Variants in CDH20 observed in about 807,000 individuals in gnomAD.
CDH20 encodes cadherin-20.
Under a neutral mutation model 74.2 loss-of-function variants are expected in CDH20, and 29 were observed. The observed-to-expected ratio is 0.39, with a 90% CI of 0.29 to 0.53. The LOEUF is 0.53. Ranked by LOEUF, CDH20 falls within the 20% of genes least tolerant of loss-of-function variation. The probability of loss-of-function intolerance (pLI) is 0.69; values close to 1 mark genes in which losing one functional copy is unlikely to be tolerated. For missense variants in CDH20, 988 were observed against 1,048.3 expected, an observed-to-expected ratio of 0.94 and a Z score of 0.79; for synonymous variants, 469 against 405.4, an observed-to-expected ratio of 1.16 and a Z score of -1.88.
chr18:61,543,178 C>A (rs552151061), intron 9 of CDH20, among the ~76,000 whole-genome samples: 209 of 152,326 alleles, frequency 1.4e-3, no homozygotes, highest in African/African-American at 4.7e-3. Context: ...CCACCACCCC[C>A]AGTTATTTAA....
Position 61,354,142 on chromosome 18 carries a change from T to C in CDH20, c.-153+20315T>C, listed in dbSNP as rs577255908. Among the ~76,000 whole-genome samples the C allele has an allele frequency of 3.9e-5, 6 of 152,302 alleles. No individual in the cohort carries two copies. In the East Asian group the frequency reaches 1.2e-3, roughly 29 times the overall value. ...AGGGCACAGCAGCCATTCAGGGCTG[T>C]TAACTCCCACACTGGATGACACTGA... is the stretch of plus-strand genomic sequence containing the variant. On this transcript the variant is annotated intron_variant, in intron 1 of 11. Coordinates refer to ENST00000262717, the MANE Select transcript of CDH20 (RefSeq NM_031891.4).
At chr18:61,464,482 A>G (rs987623971) in intron 1 of CDH20, among the ~76,000 whole-genome samples, 6 of 152,084 alleles carry the variant, frequency 3.9e-5, no homozygotes, top group African/African-American at 1.4e-4. Flanking sequence ...AAGCTAAAAA[A>G]CTTCACATGT....
chr18:61,543,313 G>A (rs1021689694), intron 9 of CDH20, among the ~76,000 whole-genome samples: 8 of 152,184 alleles, frequency 5.3e-5, no homozygotes, highest in Non-Finnish European at 1.0e-4. Flanking sequence ...GGTGGTAGAA[G>A]CACAGCTGGC....
chr18:61,480,832 C>T (rs569882809), intron 1 of CDH20, among the ~76,000 whole-genome samples: 4 of 152,296 alleles, frequency 2.6e-5, no homozygotes, highest in South Asian at 2.1e-4. Context: ...AGACTTCTGA[C>T]ACATAAGGAT....
chr18:61,472,993 C>G (rs1387420705), intron 1 of CDH20, among the ~76,000 whole-genome samples: 1 of 152,166 alleles, frequency 6.6e-6, no homozygotes. Flanking sequence ...ATTGCAGGAG[C>G]AAAAGATTTT....
Position 61,374,846 on chromosome 18 carries a change from A to C in CDH20, c.-153+41019A>C, listed in dbSNP as rs538003859. 7.9e-4 allele frequency among the ~76,000 whole-genome samples: 120 copies of C among 152,214 alleles called. 2 individuals are homozygous for C. In the South Asian group the frequency reaches 0.024, roughly 31 times the overall value. On this transcript the variant is annotated intron_variant, in intron 1 of 11. Coordinates refer to ENST00000262717, the MANE Select transcript of CDH20 (RefSeq NM_031891.4). The stretch of plus-strand genomic sequence containing the variant: ...TGTAAAGGGTGTTTCTTTCCTGGCT[A>C]TCTACCCTGGGCACAACCTCTTATT...
intron 9 of CDH20, 41 bp downstream of exon 9, chr18:61,539,186 A>G (rs1466510079): frequency 6.3e-7 from 1 of 1,597,228 alleles, no homozygotes; most frequent in South Asian, 1.1e-5. Flanking sequence ...TTAACCCCTA[A>G]CTTCTGGAAA....
At chr18:61,380,146 AGGGG>A (rs1250280963) in intron 1 of CDH20, among the ~76,000 whole-genome samples, 1 of 152,160 alleles carries the variant, frequency 6.6e-6, no homozygotes, top group African/African-American at 2.4e-5. Flanking sequence ...AACCCCCTGA[AGGGG>A]GCTTCAGGGG....
chr18:61,412,274 T>C (rs545880358), intron 1 of CDH20, among the ~76,000 whole-genome samples: 4 of 152,298 alleles, frequency 2.6e-5, no homozygotes, highest in East Asian at 1.9e-4. Context: ...TTTTAAAAAG[T>C]ATTATGGCAA....
chr18:61,523,206 C>A (rs912535042), intron 6 of CDH20, among the ~76,000 whole-genome samples: 1 of 84,564 alleles, frequency 1.2e-5, no homozygotes, highest in Non-Finnish European at 2.5e-5. Context: ...GGAACTTAAA[C>A]AAATTTACAA....
At chr18:61,435,735 TA>T (rs1208622496) in intron 1 of CDH20, among the ~76,000 whole-genome samples, 10 of 150,108 alleles carry the variant, frequency 6.7e-5, no homozygotes, top group Admixed American at 3.3e-4. Flanking sequence ...AACATAAATA[TA>T]AAAAATATAT....
chr18:61,538,622 TTTG>T (rs375054282), intron 8 of CDH20, among the ~76,000 whole-genome samples: 2,672 of 92,704 alleles, frequency 0.029, 458 homozygotes, highest in African/African-American at 0.094. Flanking sequence ...TTGTTTTTGT[TTTG>T]TTTTTTTTTT....
In CDH20 at chr18:61,492,362, C is replaced by T. The variant is rs117751120; in HGVS notation, c.246+1563C>T. Among the ~76,000 whole-genome samples the T allele has an allele frequency of 5.4e-3, 828 of 152,252 alleles. 2 individuals carry two copies. The highest frequency in any genetic ancestry group is 9.5e-3 in the Non-Finnish European group (644 of 68,026). ...TGTCACCTGGGCAAGTACCTAGCCT[C>T]CCAACCAGTCTCCTCATGTCCACCT... On this transcript the variant is annotated intron_variant, in intron 2 of 11. Coordinates refer to ENST00000262717, the MANE Select transcript of CDH20 (RefSeq NM_031891.4).
chr18:61,393,285 C>G (rs1037719220), intron 1 of CDH20, among the ~76,000 whole-genome samples: 12 of 152,178 alleles, frequency 7.9e-5, no homozygotes, highest in Non-Finnish European at 1.5e-4. Context: ...CCTGCCAAAT[C>G]CAGCCATACC....
intron 1 of CDH20, among the ~76,000 whole-genome samples, chr18:61,475,022 T>C (rs1910318446): frequency 6.6e-6 from 1 of 150,434 alleles, no homozygotes; most frequent in East Asian, 2.0e-4. Context: ...CTTAAGGTCC[T>C]GTCAAGTATA....
At chr18:61,361,913 A>G (rs1232714666) in intron 1 of CDH20, among the ~76,000 whole-genome samples, 2 of 152,198 alleles carry the variant, frequency 1.3e-5, no homozygotes, top group Non-Finnish European at 2.9e-5. Context: ...AATGATTATA[A>G]TTACAGTATT....
At chr18:61,346,675 A>G (rs1009101146) in intron 1 of CDH20, among the ~76,000 whole-genome samples, 1 of 152,212 alleles carries the variant, frequency 6.6e-6, no homozygotes, top group African/African-American at 2.4e-5. Flanking sequence ...TACATAGTTT[A>G]GTTCAATTAT....
intron 1 of CDH20, among the ~76,000 whole-genome samples, chr18:61,392,434 G>C (rs1174303870): frequency 6.6e-6 from 1 of 152,146 alleles, no homozygotes; most frequent in Non-Finnish European, 1.5e-5. Context: ...TTGAGGGGTT[G>C]AAGTATCCAC....
intron 1 of CDH20, among the ~76,000 whole-genome samples, chr18:61,482,544 A>G (rs921691026): frequency 4.6e-5 from 7 of 152,178 alleles, no homozygotes; most frequent in African/African-American, 1.7e-4. Flanking sequence ...CTCCAGAAAC[A>G]CTACTAAACA....
Sources: allele counts gnomAD v4.1 joint callset (sites outside exome capture counted in the v4.1 genomes callset), GRCh38; gene constraint gnomAD v4.1.1; transcripts MANE v1.5; gene names NCBI Gene and HGNC (gene_info 2026-07-23, HGNC 2026-07-21).